Variants in XPR1 observed in about 807,000 individuals in gnomAD.
XPR1 encodes solute carrier family 53 member 1.
A neutral mutation model predicts 87.5 loss-of-function variants in XPR1; 28 were observed. The ratio of observed to expected loss-of-function variants is 0.32; its 90% CI spans 0.24 to 0.44. The LOEUF (loss-of-function observed/expected upper bound fraction) is 0.44. Ranked by LOEUF, XPR1 falls within the 20% of genes least tolerant of loss-of-function variation. The pLI is 1.00. For synonymous variants in XPR1, 300 were observed against 306.1 expected (o/e 0.98, Z 0.21); for missense variants, 559 against 862.3 (o/e 0.65, Z 4.41).
At chr1:180,767,459 A>T (rs938271222) in intron 2 of XPR1, among the ~76,000 whole-genome samples, 1 of 152,170 alleles carries the variant, frequency 6.6e-6, no homozygotes, top group African/African-American at 2.4e-5. Context: ...AAAATACATA[A>T]ACTGGTGATC....
At chr1:180,796,917 A>T (rs570010010) in intron 3 of XPR1, among the ~76,000 whole-genome samples, 2 of 152,142 alleles carry the variant, frequency 1.3e-5, no homozygotes, top group Non-Finnish European at 2.9e-5. Context: ...AACACAAAAG[A>T]TTATATATTG....
At chr1:180,775,400 C>T (rs1472566219) in intron 2 of XPR1, among the ~76,000 whole-genome samples, 3 of 151,168 alleles carry the variant, frequency 2.0e-5, no homozygotes, top group African/African-American at 7.3e-5. Context: ...GACTGGGCAA[C>T]AAAGCAAGAC....
chr1:180,646,600 C>CT (rs1050103976), intron 1 of XPR1, among the ~76,000 whole-genome samples: 19 of 151,892 alleles, frequency 1.3e-4, no homozygotes, highest in Non-Finnish European at 1.8e-4. Flanking sequence ...ATGCAGCTTT[C>CT]TTTTTTTTGG....
intron 2 of XPR1, among the ~76,000 whole-genome samples, chr1:180,685,121 T>A (rs948359288): frequency 2.0e-5 from 3 of 152,020 alleles, no homozygotes; most frequent in Non-Finnish European, 2.9e-5. Flanking sequence ...TGGCTGTGGG[T>A]TTGTCATAGA....
At position 180,864,361 on chromosome 1, in the gene XPR1, A is replaced by G. The variant is rs79636710; in HGVS notation, c.1668+487A>G. Among the ~76,000 whole-genome samples, 2,216 of 152,210 alleles carry G rather than the reference A, an allele frequency of 0.015. 220 individuals are homozygous for G. The East Asian group carries it at 0.27, about 18-fold the overall frequency. On this transcript the variant is annotated intron_variant, in intron 12 of 14. Coordinates refer to ENST00000367590, the MANE Select transcript of XPR1 (RefSeq NM_004736.4). ...TCATCTTAATCTTTTTTTACCCTAT[A>G]TAAACTACCATTATAGCAGTTATCA...
intron 1 of XPR1, among the ~76,000 whole-genome samples, chr1:180,681,333 T>G (rs1418588275): frequency 6.6e-6 from 1 of 152,162 alleles, no homozygotes; most frequent in Non-Finnish European, 1.5e-5. Context: ...ATATGTACAG[T>G]TATTATTTGT....
chr1:180,725,898 G>A (rs1468411125), intron 2 of XPR1, among the ~76,000 whole-genome samples: 3 of 152,198 alleles, frequency 2.0e-5, no homozygotes, highest in East Asian at 3.9e-4. Flanking sequence ...CCTCAACTAT[G>A]ACATGGCCCT....
chr1:180,859,789 A>G (rs1452048366), intron 11 of XPR1, among the ~76,000 whole-genome samples: 1 of 152,180 alleles, frequency 6.6e-6, no homozygotes, highest in African/African-American at 2.4e-5. Flanking sequence ...GACTTCTAAT[A>G]TAAAAAATTA....
intron 2 of XPR1, among the ~76,000 whole-genome samples, chr1:180,706,538 C>T (rs1225567661): frequency 6.6e-6 from 1 of 152,040 alleles, no homozygotes; most frequent in African/African-American, 2.4e-5. Context: ...ATTCACATAA[C>T]ACAAAATAAC....
chr1:180,836,787 C>A, intron 11 of XPR1, 71 bp downstream of exon 11: 1 of 1,530,564 alleles, frequency 6.5e-7, no homozygotes, highest in Non-Finnish European at 8.9e-7. Flanking sequence ...ATTTCTTACT[C>A]TGGCTACTTT....
intron 11 of XPR1, among the ~76,000 whole-genome samples, chr1:180,851,318 A>T (rs911934957): frequency 1.3e-5 from 2 of 152,198 alleles, no homozygotes; most frequent in Non-Finnish European, 2.9e-5. Flanking sequence ...CCATTTACAA[A>T]TGGACACAAA....
intron 2 of XPR1, among the ~76,000 whole-genome samples, chr1:180,743,015 A>G (rs763229753): frequency 1.3e-5 from 2 of 151,994 alleles, no homozygotes; most frequent in Non-Finnish European, 2.9e-5. Context: ...ACTTTATATT[A>G]TGTTTGAAGT....
intron 2 of XPR1, among the ~76,000 whole-genome samples, chr1:180,707,100 A>C (rs61809343): frequency 0.35 from 52,866 of 152,066 alleles, 9,594 homozygotes; most frequent in Non-Finnish European, 0.39. Flanking sequence ...GAGAATCAAC[A>C]AAAATAACGG....
At chr1:180,738,845 ATTCTT>A (rs1342867870) in intron 2 of XPR1, among the ~76,000 whole-genome samples, 1 of 151,968 alleles carries the variant, frequency 6.6e-6, no homozygotes, top group African/African-American at 2.4e-5. Flanking sequence ...TAGTTTTTTC[ATTCTT>A]TTAACAGTGG....
At chr1:180,758,922 G>A (rs2102048440) in intron 2 of XPR1, 1 of 152,360 alleles carries the variant, frequency 6.6e-6, no homozygotes, top group East Asian at 1.9e-4. Context: ...CTGTCTCTCA[G>A]ACCACAGTGC....
chr1:180,737,422 G>A (rs934597433), intron 2 of XPR1, among the ~76,000 whole-genome samples: 13 of 152,178 alleles, frequency 8.5e-5, no homozygotes, highest in Admixed American at 2.6e-4. Context: ...CTGGGAAATG[G>A]CCTCTTGAAA....
At position 180,824,935 on chromosome 1, in the gene XPR1, C is replaced by A. The variant is rs780825615; in HGVS notation, c.946C>A (p.Leu316Ile). ...GAGAAGCAATTTGTCTCATCAACAT[C>A]TCTTTGAGGTAATCAAAGCAAGACA... ...NPRSNLSHQHLFEIAGFLGIL... is the reference protein window; with the variant it reads ...NPRSNLSHQHIFEIAGFLGIL... Residue 316 changes from leucine to isoleucine, a missense_variant, in exon 8 of 15, where the codon CTC becomes ATC. Leu to Ile is a conservative substitution (Grantham distance 5). Around this residue, in one of 7 missense-constraint regions of XPR1, gnomAD observed 264 missense variants for 377.2 expected, o/e 0.70. Transcript: ENST00000367590. The A allele has an allele frequency of 6.2e-7, 1 of 1,613,318 alleles. No individual in the cohort carries two copies. Among genetic ancestry groups the A allele is most frequent in the African/African-American group, 1.3e-5 (1 of 74,868 alleles).
chr1:180,699,387 C>G (rs1390402711), intron 2 of XPR1, among the ~76,000 whole-genome samples: 4 of 111,304 alleles, frequency 3.6e-5, no homozygotes, highest in Non-Finnish European at 7.3e-5. Flanking sequence ...ACCACAGTCC[C>G]CAGAGTGTGA....
At chr1:180,655,101 T>C (rs1213969384) in intron 1 of XPR1, among the ~76,000 whole-genome samples, 2 of 152,212 alleles carry the variant, frequency 1.3e-5, no homozygotes, top group East Asian at 3.8e-4. Flanking sequence ...TGTTCTTTTT[T>C]TAAGCAGTAG....
Sources: gnomAD v4.1 joint callset for allele counts (sites outside exome capture counted in the v4.1 genomes callset) on GRCh38, gnomAD v4.1.1 for gene constraint, gnomAD v4.1.1 regional missense constraint, MANE v1.5 for transcripts, NCBI Gene and HGNC (gene_info 2026-07-23, HGNC 2026-07-21) for gene names.